The following RBKS variants were observed in gnomAD, a reference collection of about 807,000 sequenced individuals.
RBKS encodes the protein ribokinase.
RBKS carries 33 observed loss-of-function variants against 33.9 expected under a neutral mutation model. The ratio of observed to expected loss-of-function variants is 0.97; its 90% CI spans 0.74 to 1.30. The LOEUF (loss-of-function observed/expected upper bound fraction) is 1.30. Ranked by LOEUF, RBKS falls within the 50% of genes most tolerant of loss-of-function variation. The pLI is 0.00. For missense variants in RBKS, 361 were observed against 392.6 expected (o/e 0.92, Z 0.68); for synonymous variants, 125 against 143.0 (o/e 0.87, Z 0.90).
chr2:27,843,298 T>TA, intron 4 of RBKS, 67 bp from the exon 5 acceptor site: 1 of 1,218,492 alleles, frequency 8.2e-7, no homozygotes, highest in Non-Finnish European at 1.2e-6. Flanking sequence ...TCTGCAGTGT[T>TA]ATGAATACAA....
chr2:27,846,845 T>G (rs141044312), intron 4 of RBKS, among the ~76,000 whole-genome samples, 197 bp downstream of exon 4: 1 of 152,314 alleles, frequency 6.6e-6, no homozygotes, highest in African/African-American at 2.4e-5. Flanking sequence ...GTCCAAAAAT[T>G]TATCTGAACG....
At chr2:27,846,681 T>C (rs1663626850) in intron 4 of RBKS, among the ~76,000 whole-genome samples, 1 of 152,224 alleles carries the variant, frequency 6.6e-6, no homozygotes, top group African/African-American at 2.4e-5. Context: ...TACATATACT[T>C]ACCTAGTGTA....
intron 5 of RBKS, among the ~76,000 whole-genome samples, chr2:27,834,441 G>A (rs1278086495): frequency 6.6e-6 from 1 of 152,166 alleles, no homozygotes; most frequent in Non-Finnish European, 1.5e-5. Context: ...CTAACCTGCT[G>A]TACAAATGTA....
At chr2:27,888,910 A>G (rs1664622854) in intron 1 of RBKS, among the ~76,000 whole-genome samples, 1 of 152,262 alleles carries the variant, frequency 6.6e-6, no homozygotes, top group South Asian at 2.1e-4. Flanking sequence ...CCTCTTCAAC[A>G]AATGTCTCCA....
intron 1 of RBKS, among the ~76,000 whole-genome samples, chr2:27,873,893 C>T (rs940929919): frequency 3.9e-5 from 6 of 152,016 alleles, no homozygotes; most frequent in Non-Finnish European, 8.8e-5. Flanking sequence ...ACAAAACTCT[C>T]AGCTTTTATT....
chr2:27,794,227 G>A (rs1677593385), intron 7 of RBKS, among the ~76,000 whole-genome samples: 1 of 151,114 alleles, frequency 6.6e-6, no homozygotes, highest in African/African-American at 2.4e-5. Flanking sequence ...AACCTGGGAG[G>A]TGGAGGTTGT....
chr2:27,783,678 C>T (rs1039364216), intron 7 of RBKS, among the ~76,000 whole-genome samples: 12 of 152,018 alleles, frequency 7.9e-5, no homozygotes, highest in Non-Finnish European at 1.3e-4. Flanking sequence ...GAGGCCGAGG[C>T]GGGCGGATCA....
intron 1 of RBKS, among the ~76,000 whole-genome samples, chr2:27,880,211 T>G (rs1394632309): frequency 2.6e-5 from 4 of 152,124 alleles, no homozygotes; most frequent in African/African-American, 9.7e-5. Flanking sequence ...AGGCTTTCCA[T>G]AAAATGAACA....
chr2:27,833,304 A>G (rs1678458250), intron 5 of RBKS, among the ~76,000 whole-genome samples: 1 of 152,210 alleles, frequency 6.6e-6, no homozygotes. Context: ...ACACCTATGT[A>G]TGCCTCCCAA....
intron 2 of RBKS, among the ~76,000 whole-genome samples, chr2:27,858,131 C>T (rs147937291): frequency 1.5e-4 from 23 of 152,188 alleles, no homozygotes; most frequent in African/African-American, 5.1e-4. Flanking sequence ...ATATATATTC[C>T]ATTTATATGA....
chr2:27,871,313 G>A (rs79104458), intron 1 of RBKS, among the ~76,000 whole-genome samples: 6 of 152,248 alleles, frequency 3.9e-5, no homozygotes, highest in Middle Eastern at 3.4e-3. Flanking sequence ...TTTTTAATGC[G>A]AGGTGCTTGG....
intron 2 of RBKS, among the ~76,000 whole-genome samples, chr2:27,858,205 G>A (rs909503828): frequency 6.6e-5 from 10 of 152,316 alleles, no homozygotes; most frequent in East Asian, 5.8e-4. Context: ...GGGCTTTAAA[G>A]GGAAGACAGA....
At chr2:27,807,071 A>T (rs1205016552) in intron 7 of RBKS, among the ~76,000 whole-genome samples, 1 of 152,208 alleles carries the variant, frequency 6.6e-6, no homozygotes, top group East Asian at 1.9e-4. Context: ...AAAGAACAAG[A>T]TCGGCTCTGG....
intron 1 of RBKS, among the ~76,000 whole-genome samples, chr2:27,868,290 T>C (rs1664137959): frequency 6.6e-6 from 1 of 152,186 alleles, no homozygotes; most frequent in South Asian, 2.1e-4. Flanking sequence ...AAGAACTCAT[T>C]ATGTTATTTT....
chr2:27,842,655 A>G (rs1176044588), intron 5 of RBKS, among the ~76,000 whole-genome samples: 3 of 151,702 alleles, frequency 2.0e-5, no homozygotes, highest in East Asian at 3.9e-4. Context: ...CTGATTCAGG[A>G]ATTCTTTTTT....
At chr2:27,846,201 C>T (rs1050223863) in intron 4 of RBKS, among the ~76,000 whole-genome samples, 1 of 152,206 alleles carries the variant, frequency 6.6e-6, no homozygotes, top group African/African-American at 2.4e-5. Context: ...CTCCTGACCT[C>T]AAATGATCCA....
chr2:27,816,233 T>C (rs961365476), intron 7 of RBKS, among the ~76,000 whole-genome samples: 1 of 152,252 alleles, frequency 6.6e-6, no homozygotes, highest in East Asian at 1.9e-4. Flanking sequence ...TTTAAAATAT[T>C]GAATTCTGCC....
intron 7 of RBKS, among the ~76,000 whole-genome samples, chr2:27,798,087 G>A (rs1677695193): frequency 6.6e-6 from 1 of 152,070 alleles, no homozygotes; most frequent in South Asian, 2.1e-4. Context: ...CATCCTCATG[G>A]CACTGAAGTC....
intron 7 of RBKS, among the ~76,000 whole-genome samples, chr2:27,800,576 T>A (rs1466749715): frequency 3.3e-5 from 5 of 152,204 alleles, no homozygotes; most frequent in African/African-American, 1.2e-4. Context: ...GATGGTATTA[T>A]CTCAGTGGCC....
Sources: gnomAD v4.1 joint callset for allele counts (sites outside exome capture counted in the v4.1 genomes callset) on GRCh38, gnomAD v4.1.1 for gene constraint, MANE v1.5 for transcripts, NCBI Gene and HGNC (gene_info 2026-07-23, HGNC 2026-07-21) for gene names.